The following MGAT4C variants were observed in gnomAD, a reference collection of about 807,000 sequenced individuals.
MGAT4C encodes MGAT4 family member C, also known as alpha-1,3-mannosyl-glycoprotein 4-beta-N-acetylglucosaminyltransferase C.
In MGAT4C, 19 loss-of-function variants were observed where a neutral mutation model predicts 40.1. The observed-to-expected ratio is 0.47, with a 90% confidence interval of 0.33 to 0.70. The LOEUF (loss-of-function observed/expected upper bound fraction) is 0.70. Among genes scored for constraint, MGAT4C ranks in the 30% least tolerant of loss-of-function variants. MGAT4C has a pLI of 0.02. For missense variants in MGAT4C, 491 were observed against 563.2 expected (o/e 0.87, Z 1.30); for synonymous variants, 181 against 187.1 (o/e 0.97, Z 0.27).
chr12:85,980,679 T>C (rs1884483393), intron 4 of MGAT4C, among the ~76,000 whole-genome samples: 1 of 152,118 alleles, frequency 6.6e-6, no homozygotes, highest in African/African-American at 2.4e-5. Flanking sequence ...GTATGAGCCC[T>C]ATTGCTGTGA....
At chr12:86,468,988 C>T (rs1183109398) in intron 2 of MGAT4C, among the ~76,000 whole-genome samples, 4 of 152,144 alleles carry the variant, frequency 2.6e-5, no homozygotes. Flanking sequence ...ATCACCTCTT[C>T]ACATATTATC....
rs575041505 is a variant in MGAT4C, at chr12:86,747,707, C to T, written c.-261-20466G>A. On this transcript the variant is annotated intron_variant, in intron 1 of 7. Transcript: ENST00000548651. ...ATTCTAAACATGCAGACATGTCTTT[C>T]GCTGTCTAAAGTAAAATTAAAAACT... is the stretch of plus-strand genomic sequence containing the variant. Among the ~76,000 whole-genome samples, 220 of 151,472 alleles carry T rather than the reference C, an allele frequency of 1.5e-3. 1 individual carries two copies. Among genetic ancestry groups the T allele is most frequent in the African/African-American group, 5.0e-3 (207 of 41,396 alleles).
chr12:86,428,867 C>G (rs1023318864), intron 3 of MGAT4C, among the ~76,000 whole-genome samples: 3 of 151,888 alleles, frequency 2.0e-5, no homozygotes, highest in Non-Finnish European at 4.4e-5. Context: ...TTTAGTTATT[C>G]TAGCTAAAGT....
At chr12:86,518,217 T>C (rs370758196) in intron 2 of MGAT4C, among the ~76,000 whole-genome samples, 6 of 152,296 alleles carry the variant, frequency 3.9e-5, no homozygotes, top group African/African-American at 1.4e-4. Context: ...AAAAAATGAA[T>C]AGAGTTGACT....
At chr12:86,153,246 C>T (rs890536625) in intron 1 of MGAT4C, among the ~76,000 whole-genome samples, 1 of 152,194 alleles carries the variant, frequency 6.6e-6, no homozygotes, top group Non-Finnish European at 1.5e-5. Flanking sequence ...AATCTCTTGA[C>T]TGCACTTACA....
intron 4 of MGAT4C, among the ~76,000 whole-genome samples, chr12:86,330,376 A>G (rs1954635955): frequency 6.6e-6 from 1 of 152,206 alleles, no homozygotes; most frequent in African/African-American, 2.4e-5. Flanking sequence ...TTATTGCTGA[A>G]GGCTCCTGTG....
At chr12:86,725,939 T>A (rs1950815122) in intron 2 of MGAT4C, among the ~76,000 whole-genome samples, 1 of 152,214 alleles carries the variant, frequency 6.6e-6, no homozygotes, top group Non-Finnish European at 1.5e-5. Flanking sequence ...TTTTAGGAAT[T>A]AACTGCTTTA....
chr12:86,324,395 C>A (rs1954472572), intron 4 of MGAT4C, among the ~76,000 whole-genome samples: 1 of 151,474 alleles, frequency 6.6e-6, no homozygotes, highest in African/African-American at 2.4e-5. Flanking sequence ...TCTTTTTGTG[C>A]ATTTTGGTTA....
At chr12:86,599,207 T>C (rs185409781) in intron 2 of MGAT4C, among the ~76,000 whole-genome samples, 1 of 152,224 alleles carries the variant, frequency 6.6e-6, no homozygotes, top group Non-Finnish European at 1.5e-5. Flanking sequence ...TATTTCTTCA[T>C]ATGTCAGATA....
Position 86,526,736 on chromosome 12 carries a change from A to G in MGAT4C, c.-228-91471T>C, listed in dbSNP as rs2136367353. Among the ~76,000 whole-genome samples the G allele has an allele frequency of 1.3e-5, 2 of 152,328 alleles. 1 individual carries two copies. Among genetic ancestry groups the G allele is most frequent in the Non-Finnish European group, 2.9e-5 (2 of 68,030 alleles). ...GCAAGTTAAGCCTAGGGGGAGGGCC[A>G]TCGCTGGCCATGCACCACTACAGAT... On this transcript the variant is annotated intron_variant, in intron 2 of 7. Coordinates refer to the MGAT4C transcript ENST00000548651.
intron 3 of MGAT4C, among the ~76,000 whole-genome samples, chr12:86,340,721 G>T (rs2136183073): frequency 6.6e-6 from 1 of 151,976 alleles, no homozygotes; most frequent in South Asian, 2.1e-4. Context: ...AGGTTATAAA[G>T]ATACTGTGGC....
intron 1 of MGAT4C, among the ~76,000 whole-genome samples, chr12:86,218,326 T>G (rs1950749649): frequency 6.6e-6 from 1 of 152,176 alleles, no homozygotes; most frequent in South Asian, 2.1e-4. Context: ...ACTATTTTGA[T>G]GAACCCTTGA....
At chr12:86,083,327 C>T (rs890816569) in intron 1 of MGAT4C, among the ~76,000 whole-genome samples, 4 of 152,044 alleles carry the variant, frequency 2.6e-5, no homozygotes, top group African/African-American at 9.7e-5. Context: ...CATTGATTCT[C>T]AGTACTGCTA....
intron 1 of MGAT4C, among the ~76,000 whole-genome samples, chr12:86,182,681 A>G (rs17285589): frequency 0.073 from 11,142 of 151,896 alleles, 572 homozygotes; most frequent in Middle Eastern, 0.22. Context: ...CTGCATGACC[A>G]CTCTGTTGAC....
chr12:86,331,133 G>A (rs1359997091), intron 4 of MGAT4C, among the ~76,000 whole-genome samples: 2 of 152,106 alleles, frequency 1.3e-5, no homozygotes, highest in Non-Finnish European at 2.9e-5. Flanking sequence ...TGAATGAAAG[G>A]AAGTAAAGTA....
At chr12:86,382,546 A>T (rs1031004174) in intron 3 of MGAT4C, among the ~76,000 whole-genome samples, 1 of 152,202 alleles carries the variant, frequency 6.6e-6, no homozygotes, top group Non-Finnish European at 1.5e-5. Flanking sequence ...AGTAACGAGG[A>T]TGTTAATCAT....
Position 85,969,551 on chromosome 12 carries a change from T to G in MGAT4C, c.*9738A>C, listed in dbSNP as rs1883519922. 1 of 151,610 alleles carries G rather than the reference T, an allele frequency of 6.6e-6. No individual in the cohort carries two copies. The highest frequency in any genetic ancestry group is 1.5e-5 in the Non-Finnish European group (1 of 67,630). 9.4% of individuals were successfully genotyped at this position (151,610 alleles called of 1,614,324 possible). A position where few individuals can be genotyped will look rare whatever the true frequency, so the allele number is the denominator to read the frequency against. ...AGTGGAATTACAGAAGCAAGTGTTTTAGATGTTCAAGTTTAAAAAATGAGA... is the reference window on the plus strand; with the variant it reads ...AGTGGAATTACAGAAGCAAGTGTTTGAGATGTTCAAGTTTAAAAAATGAGA... On this transcript the variant is annotated 3_prime_UTR_variant, in exon 5 of 5. Transcript: ENST00000611864.
chr12:86,271,700 G>T (rs1287236357), intron 4 of MGAT4C, among the ~76,000 whole-genome samples: 3 of 152,144 alleles, frequency 2.0e-5, no homozygotes, highest in East Asian at 3.8e-4. Context: ...ACCTGCACTT[G>T]CATGTTTATT....
chr12:86,554,641 A>G (rs1190109440), intron 2 of MGAT4C, among the ~76,000 whole-genome samples: 1 of 152,158 alleles, frequency 6.6e-6, no homozygotes, highest in African/African-American at 2.4e-5. Flanking sequence ...AACAATCACT[A>G]TGTTATTGCA....
Sources: gnomAD v4.1 joint callset for allele counts (sites outside exome capture counted in the v4.1 genomes callset) on GRCh38, gnomAD v4.1.1 for gene constraint, MANE v1.5 for transcripts, NCBI Gene and HGNC (gene_info 2026-07-23, HGNC 2026-07-21) for gene names.